Variants in SLC12A5 observed in about 807,000 individuals in gnomAD.
The protein encoded by SLC12A5 is solute carrier family 12 member 5.
SLC12A5 carries 18 observed loss-of-function variants against 124.0 expected under a neutral mutation model. The ratio of observed to expected loss-of-function variants is 0.15; its 90% CI spans 0.10 to 0.22. The LOEUF is 0.22. Among genes scored for constraint, SLC12A5 ranks in the 10% least tolerant of loss-of-function variants. The pLI is 1.00. For synonymous variants in SLC12A5, 589 were observed against 568.0 expected, an observed-to-expected ratio of 1.04 and a Z score of -0.53; for missense variants, 867 against 1,478.7, an observed-to-expected ratio of 0.59 and a Z score of 6.78.
At chr20:46,023,164 A>G (rs2084370642) in intron 2 of SLC12A5, 1 of 397,932 alleles carries the variant, frequency 2.5e-6, no homozygotes, top group Non-Finnish European at 4.4e-6. Context: ...ACAGATGACC[A>G]AATTGAGGCC....
Position 46,036,435 on chromosome 20 carries a change from G to T in SLC12A5, c.427-306G>T, listed in dbSNP as rs545444149. On this transcript the variant is annotated intron_variant, in intron 4 of 25. Coordinates refer to ENST00000243964, the MANE Select transcript of SLC12A5 (RefSeq NM_020708.5). The stretch of plus-strand genomic sequence containing the variant: ...CTGTTACTCCTATTCTATAGATGGA[G>T]AAACTGAGGCTTGGAGAAGTGAAGT... 580 of 328,032 alleles carry T rather than the reference G, an allele frequency of 1.8e-3. 24 individuals carry two copies. In the South Asian group the frequency reaches 0.023, roughly 13 times the overall value. The allele number at this position is 328,032 out of a possible 1,614,324, so 20.3% of individuals were successfully genotyped here.
chr20:46,041,273 G>A, intron 7 of SLC12A5, 56 bp from the exon 8 acceptor site: 1 of 1,515,684 alleles, frequency 6.6e-7, no homozygotes. Flanking sequence ...GCTGTATTGT[G>A]CAGCGAGGGC....
At chr20:46,055,865 AC>A (rs1431484046) in intron 21 of SLC12A5, 1 of 408,516 alleles carries the variant, frequency 2.4e-6, no homozygotes, top group Non-Finnish European at 4.5e-6. Flanking sequence ...ATGGTCACTG[AC>A]CAGTGGACTG....
chr20:46,054,063 G>A (rs1600605191), intron 20 of SLC12A5, among the ~76,000 whole-genome samples: 1 of 152,220 alleles, frequency 6.6e-6, no homozygotes, highest in East Asian at 1.9e-4. Context: ...TATGTTCTGA[G>A]AAATGTGTTG....
chr20:46,058,969 G>C lies in SLC12A5; in HGVS notation c.*1364G>C. Reference sequence around the variant, plus strand: ...TGGAGTCGCACGCGCTTTGTCCTTAGCGCCTGTCTGCTCTCCTCTAACTAG... The same window carrying C: ...TGGAGTCGCACGCGCTTTGTCCTTACCGCCTGTCTGCTCTCCTCTAACTAG... On this transcript the variant is annotated 3_prime_UTR_variant, in exon 26 of 26. Transcript: ENST00000243964. The surrounding 1 kb of genome is among the most constrained non-coding windows in gnomAD (Gnocchi z 5.8). 1 of 377,270 alleles carries C rather than the reference G, an allele frequency of 2.7e-6. No homozygotes were observed. The allele number at this position is 377,270 out of a possible 1,614,324, so 23.4% of individuals were successfully genotyped here.
intron 6 of SLC12A5, among the ~76,000 whole-genome samples, chr20:46,039,867 C>T (rs2084531059): frequency 6.6e-6 from 1 of 152,036 alleles, no homozygotes; most frequent in Admixed American, 6.5e-5. Context: ...GCTCCATAGT[C>T]TGTGGGGATA....
At position 46,056,788 on chromosome 20, in the gene SLC12A5, C is replaced by T. The variant is rs149537117; in HGVS notation, c.3111-109C>T. 1.7e-5 allele frequency: 22 copies of T among 1,294,760 alleles called. No homozygotes were observed. In the African/African-American group the frequency reaches 2.6e-4, roughly 15 times the overall value. 80.2% of individuals were successfully genotyped at this position (1,294,760 alleles called of 1,614,324 possible). A position where few individuals can be genotyped will look rare whatever the true frequency, so the allele number is the denominator to read the frequency against. On this transcript the variant is annotated intron_variant, in intron 23 of 25. Coordinates refer to ENST00000243964, the MANE Select transcript of SLC12A5 (RefSeq NM_020708.5). The surrounding 1 kb of genome is among the most constrained non-coding windows in gnomAD (Gnocchi z 4.3). Reference sequence around the variant, plus strand: ...GAAAGGTGAAGGGTGTGGGGGCTGGCAGAGCAGGACTCAGGGCAGATGACC... The same window carrying T: ...GAAAGGTGAAGGGTGTGGGGGCTGGTAGAGCAGGACTCAGGGCAGATGACC...
Position 46,048,102 on chromosome 20 carries a change from C to T in SLC12A5, c.2012+17C>T, listed in dbSNP as rs532073254. The T allele has an allele frequency of 2.6e-5, 41 of 1,597,908 alleles. No homozygotes were observed. Among genetic ancestry groups the T allele is most frequent in the South Asian group, 1.6e-4 (14 of 88,858 alleles). ...GAACTGGAGGTTAGTGGTGAGGGCA[C>T]GGGTGTGCATAAGAGTGTGTGTGCA... On this transcript the variant is annotated intron_variant, in intron 16 of 25. Transcript: ENST00000243964.
upstream of SLC12A5, among the ~76,000 whole-genome samples, chr20:46,025,491 C>G (rs2084389640): frequency 6.6e-6 from 1 of 152,158 alleles, no homozygotes; most frequent in African/African-American, 2.4e-5. Context: ...CTCTCCCCTC[C>G]CCTTTTCTCA....
At chr20:46,038,647 C>T (rs114668556) in intron 6 of SLC12A5, among the ~76,000 whole-genome samples, 780 of 152,310 alleles carry the variant, frequency 5.1e-3, no homozygotes, top group African/African-American at 0.018. Flanking sequence ...ATAAAATTCA[C>T]CTATAATCTT....
At chr20:46,031,122 C>G (rs544233565) in intron 1 of SLC12A5, among the ~76,000 whole-genome samples, 1 of 152,310 alleles carries the variant, frequency 6.6e-6, no homozygotes, top group Non-Finnish European at 1.5e-5. Flanking sequence ...GGTCCCATTT[C>G]CCAGCACCCG....
Position 46,059,222 on chromosome 20 carries a change from G to T in SLC12A5, c.*1617G>T. The T allele has an allele frequency of 4.1e-6, 1 of 244,122 alleles. No homozygotes were observed. Among genetic ancestry groups the T allele is most frequent in the Non-Finnish European group, 7.8e-6 (1 of 128,850 alleles). 15.1% of individuals were successfully genotyped at this position (244,122 alleles called of 1,614,324 possible). ...CTGCGCACCTAGCTTGACATCTCAC[G>T]CACCTCCCAGAGCTGGCGCCACTGA... On this transcript the variant is annotated 3_prime_UTR_variant, in exon 26 of 26. Transcript: ENST00000243964.
At chr20:46,032,924 C>G (rs2084466297) in intron 1 of SLC12A5, among the ~76,000 whole-genome samples, 1 of 152,156 alleles carries the variant, frequency 6.6e-6, no homozygotes, top group African/African-American at 2.4e-5. Context: ...AAGACTTTTC[C>G]TGAGCACCTA....
chr20:46,057,420 G>A lies in SLC12A5; in HGVS notation c.3260-94G>A, dbSNP rs999073491. On this transcript the variant is annotated intron_variant, in intron 25 of 25. Transcript: ENST00000243964. The surrounding 1 kb of genome is among the most constrained non-coding windows in gnomAD (Gnocchi z 7.1). ...CCTCCGGATCAGCACCTCGGACAGG[G>A]ACACGGGCGCGAGAGGTCCCCTGGC... 6 of 1,604,042 alleles carry A rather than the reference G, an allele frequency of 3.7e-6. No homozygotes were observed. Among genetic ancestry groups the A allele is most frequent in the Non-Finnish European group, 5.1e-6 (6 of 1,171,088 alleles).
At chr20:46,023,111 T>A (rs1432510766) in intron 2 of SLC12A5, 1 of 399,158 alleles carries the variant, frequency 2.5e-6, no homozygotes, top group East Asian at 3.6e-5. Flanking sequence ...CCGAAACCCC[T>A]AGAGTAACCC....
chr20:46,032,132 T>TGC (rs1353537233), intron 1 of SLC12A5, among the ~76,000 whole-genome samples: 1 of 152,154 alleles, frequency 6.6e-6, no homozygotes, highest in African/African-American at 2.4e-5. Flanking sequence ...GGCTCCGCGC[T>TGC]GCGCGCCGCG....
chr20:46,036,362 G>A (rs889274994), intron 4 of SLC12A5, among the ~76,000 whole-genome samples: 1 of 152,152 alleles, frequency 6.6e-6, no homozygotes, highest in South Asian at 2.1e-4. Flanking sequence ...ACATGTCCTC[G>A]TACATAACCT....
Position 46,053,426 on chromosome 20 carries a change from A to G in SLC12A5, c.2548-152A>G. On this transcript the variant is annotated intron_variant, in intron 19 of 25. Coordinates refer to ENST00000243964, the MANE Select transcript of SLC12A5 (RefSeq NM_020708.5). This position sits in a 1 kb window ranked among gnomAD's most constrained non-coding sequence, Gnocchi z 4.7. ...CAGACCTAAGCAGGGAAGGTTTTGTAGAGAGTGGCCCCAAAGACAGAGGAT... is the reference window on the plus strand; with the variant it reads ...CAGACCTAAGCAGGGAAGGTTTTGTGGAGAGTGGCCCCAAAGACAGAGGAT... The G allele has an allele frequency of 1.8e-6, 2 of 1,104,334 alleles. No individual in the cohort carries two copies. The highest frequency in any genetic ancestry group is 2.2e-5 in the Admixed American group (1 of 45,130). 68.4% of individuals were successfully genotyped at this position (1,104,334 alleles called of 1,614,324 possible).
intron 4 of SLC12A5, 115 bp from the exon 5 acceptor site, chr20:46,036,626 A>G: frequency 9.3e-7 from 1 of 1,070,724 alleles, no homozygotes; most frequent in South Asian, 1.3e-5. Flanking sequence ...GGAGCAGCTC[A>G]GCAGAAGAGA....
Sources: gnomAD v4.1 joint callset for allele counts (sites outside exome capture counted in the v4.1 genomes callset) on GRCh38, gnomAD v4.1.1 for gene constraint, Gnocchi (gnomAD v3.1) non-coding constraint, MANE v1.5 for transcripts, NCBI Gene and HGNC (gene_info 2026-07-23, HGNC 2026-07-21) for gene names.